Variants in LPP observed in about 807,000 individuals in gnomAD.
LPP encodes the protein LIM domain containing preferred translocation partner in lipoma, also known as lipoma-preferred partner.
In LPP, 38 loss-of-function variants were observed where a neutral mutation model predicts 60.4. The ratio of observed to expected loss-of-function variants is 0.63; its 90% CI spans 0.49 to 0.83. The LOEUF (loss-of-function observed/expected upper bound fraction) is 0.83, where lower values mean the gene tolerates loss of function less well. Ranked by LOEUF, LPP falls within the 40% of genes least tolerant of loss-of-function variation. LPP has a pLI of 0.00. For synonymous variants in LPP, 328 were observed against 290.8 expected (o/e 1.13, Z -1.30); for missense variants, 902 against 783.6 (o/e 1.15, Z -1.80).
intron 3 of LPP, among the ~76,000 whole-genome samples, chr3:188,353,458 A>G (rs1025903792): frequency 2.0e-5 from 3 of 152,248 alleles, no homozygotes; most frequent in Non-Finnish European, 4.4e-5. Flanking sequence ...TAAACCCAAT[A>G]CACTGTCTAT....
intron 7 of LPP, among the ~76,000 whole-genome samples, chr3:188,628,994 A>G (rs1414604639): frequency 6.6e-6 from 1 of 152,222 alleles, no homozygotes; most frequent in Non-Finnish European, 1.5e-5. Context: ...AAAGAACTAA[A>G]GACAAAAAAC....
At chr3:188,291,018 G>C (rs1745747354) in intron 2 of LPP, among the ~76,000 whole-genome samples, 1 of 152,114 alleles carries the variant, frequency 6.6e-6, no homozygotes, top group East Asian at 1.9e-4. Context: ...GTGGGAATTT[G>C]GCATACCACT....
chr3:188,484,762 A>T lies in LPP; in HGVS notation c.306+58A>T, dbSNP rs2067078. The T allele has an allele frequency of 0.91, 1,182,725 of 1,295,386 alleles. 547,685 individuals carry two copies. The highest frequency in any genetic ancestry group is 0.96 in the Non-Finnish European group (852,722 of 891,966). The allele number at this position is 1,295,386 out of a possible 1,614,324, so 80.2% of individuals were successfully genotyped here. A position where few individuals can be genotyped will look rare whatever the true frequency, so the allele number is the denominator to read the frequency against. On this transcript the variant is annotated intron_variant, in intron 5 of 11. Coordinates refer to ENST00000617246, the MANE Select transcript of LPP (RefSeq NM_001375462.1). Reference sequence around the variant, plus strand: ...GAGCTGAAGTTAAAGTCATGTTTATAAGCCATCCTAGGGAGCTCATGAATT... The same window carrying T: ...GAGCTGAAGTTAAAGTCATGTTTATTAGCCATCCTAGGGAGCTCATGAATT...
At chr3:188,728,486 T>C (rs1427820122) in intron 8 of LPP, among the ~76,000 whole-genome samples, 1 of 152,222 alleles carries the variant, frequency 6.6e-6, no homozygotes, top group Non-Finnish European at 1.5e-5. Context: ...TTAATTTGCC[T>C]GGGATCCTAC....
intron 8 of LPP, among the ~76,000 whole-genome samples, chr3:188,753,898 A>G (rs2150363907): frequency 1.3e-5 from 2 of 152,236 alleles, no homozygotes; most frequent in South Asian, 2.1e-4. Flanking sequence ...CTATAGAATC[A>G]GATATACACA....
intron 9 of LPP, among the ~76,000 whole-genome samples, chr3:188,776,099 C>T (rs540132062): frequency 6.6e-6 from 1 of 152,304 alleles, no homozygotes; most frequent in East Asian, 1.9e-4. Context: ...TCTCGTGGAG[C>T]CCTGAGGTGA....
At position 188,855,079 on chromosome 3, in the gene LPP, A is replaced by G. The variant is rs546904069; in HGVS notation, c.1411-11121A>G. Reference sequence around the variant, plus strand: ...ATTCTCCTGGATGAGTTAGTTACCCATGGTAGACAAATACTGTAAGTAAAA... The same window carrying G: ...ATTCTCCTGGATGAGTTAGTTACCCGTGGTAGACAAATACTGTAAGTAAAA... On this transcript the variant is annotated intron_variant, in intron 9 of 11. Coordinates refer to ENST00000617246, the MANE Select transcript of LPP (RefSeq NM_001375462.1). Among the ~76,000 whole-genome samples the G allele has an allele frequency of 7.9e-5, 12 of 152,346 alleles. No homozygotes were observed. In the South Asian group the frequency reaches 2.3e-3, roughly 29 times the overall value.
At chr3:188,650,296 T>C (rs1279178404) in intron 7 of LPP, among the ~76,000 whole-genome samples, 1 of 152,242 alleles carries the variant, frequency 6.6e-6, no homozygotes, top group African/African-American at 2.4e-5. Context: ...AATATTATCA[T>C]AAACTCAGGC....
intron 4 of LPP, among the ~76,000 whole-genome samples, chr3:188,480,198 A>G (rs1345534675): frequency 6.6e-6 from 1 of 152,256 alleles, no homozygotes; most frequent in Non-Finnish European, 1.5e-5. Flanking sequence ...AGTTAACAAT[A>G]TGCCTAACAG....
chr3:188,882,245 T>G lies in LPP; in HGVS notation c.*7766T>G, dbSNP rs1255033052. 1 of 220,228 alleles carries G rather than the reference T, an allele frequency of 4.5e-6. No individual in the cohort carries two copies. Among genetic ancestry groups the G allele is most frequent in the East Asian group, 6.7e-5 (1 of 14,902 alleles). 13.6% of individuals were successfully genotyped at this position (220,228 alleles called of 1,614,324 possible). ...TCTTGAGCTGATTCTTTGACTTGAT[T>G]TAGAAGTTGAGAAAAGAGTATTTAA... is the stretch of plus-strand genomic sequence containing the variant. On this transcript the variant is annotated 3_prime_UTR_variant, in exon 12 of 12. Coordinates refer to ENST00000617246, the MANE Select transcript of LPP (RefSeq NM_001375462.1).
chr3:188,507,594 G>T (rs1440831697), intron 5 of LPP, among the ~76,000 whole-genome samples: 1 of 152,052 alleles, frequency 6.6e-6, no homozygotes, highest in Non-Finnish European at 1.5e-5. Flanking sequence ...CATGTGAAAG[G>T]CTCATGCAGA....
rs115380858 is a variant in LPP at position 188,522,384 on chromosome 3, G to C, written c.307-2281G>C. ...ATGGACACTGAACCTCTTTGGTTCCGTTTTTATATCAAATTCTAGAGTATC... is the reference window on the plus strand; with the variant it reads ...ATGGACACTGAACCTCTTTGGTTCCCTTTTTATATCAAATTCTAGAGTATC... On this transcript the variant is annotated intron_variant, in intron 5 of 11. Coordinates refer to ENST00000617246, the MANE Select transcript of LPP (RefSeq NM_001375462.1). Among the ~76,000 whole-genome samples the C allele has an allele frequency of 2.4e-3, 365 of 152,252 alleles. 3 individuals are homozygous for C. The highest frequency in any genetic ancestry group is 8.3e-3 in the African/African-American group (346 of 41,544).
At chr3:188,377,997 A>G (rs1445361315) in intron 3 of LPP, among the ~76,000 whole-genome samples, 2 of 152,190 alleles carry the variant, frequency 1.3e-5, no homozygotes, top group African/African-American at 4.8e-5. Flanking sequence ...TCTAAGTATC[A>G]GCAGCGGTGG....
intron 1 of LPP, among the ~76,000 whole-genome samples, chr3:188,203,770 T>C (rs1732367023): frequency 6.6e-6 from 1 of 150,744 alleles, no homozygotes. Context: ...CATGAGCCCC[T>C]GGCCTTATAG....
At chr3:188,479,052 C>T (rs1327662141) in intron 4 of LPP, among the ~76,000 whole-genome samples, 2 of 152,012 alleles carry the variant, frequency 1.3e-5, no homozygotes, top group Non-Finnish European at 2.9e-5. Context: ...CACCCAGCCA[C>T]TAGTTACTAT....
At chr3:188,388,070 G>A (rs1778794183) in intron 3 of LPP, among the ~76,000 whole-genome samples, 1 of 151,486 alleles carries the variant, frequency 6.6e-6, no homozygotes, top group African/African-American at 2.4e-5. Context: ...CTCATTTCCA[G>A]TTATTTTTTT....
intron 9 of LPP, among the ~76,000 whole-genome samples, chr3:188,787,872 C>A (rs1224228536): frequency 6.6e-6 from 1 of 152,218 alleles, no homozygotes; most frequent in African/African-American, 2.4e-5. Flanking sequence ...AAATCTGCAG[C>A]TGGATCTCTC....
chr3:188,772,965 A>G (rs1166245773), intron 9 of LPP, among the ~76,000 whole-genome samples: 1 of 152,182 alleles, frequency 6.6e-6, no homozygotes, highest in Admixed American at 6.5e-5. Context: ...GACTATGAAC[A>G]GAGTCATTGC....
At chr3:188,623,956 G>A (rs944164424) in intron 7 of LPP, among the ~76,000 whole-genome samples, 2 of 152,142 alleles carry the variant, frequency 1.3e-5, no homozygotes, top group African/African-American at 4.8e-5. Context: ...GCAAGGCGAG[G>A]GGTGTATTTG....
Sources: allele counts gnomAD v4.1 joint callset (sites outside exome capture counted in the v4.1 genomes callset), GRCh38; gene constraint gnomAD v4.1.1; transcripts MANE v1.5; gene names NCBI Gene and HGNC (gene_info 2026-07-23, HGNC 2026-07-21).